DLGAP2: variants seen among roughly 807,000 people sequenced by gnomAD.
DLGAP2 encodes the protein DLG associated protein 2, also known as disks large-associated protein 2.
DLGAP2 carries 26 observed loss-of-function variants against 100.3 expected under a neutral mutation model. The ratio of observed to expected loss-of-function variants is 0.26; its 90% CI spans 0.19 to 0.36. The LOEUF (loss-of-function observed/expected upper bound fraction) is 0.36. DLGAP2 is among the 10% of genes least tolerant of loss of function. DLGAP2 has a pLI of 1.00. For missense variants in DLGAP2, 1,858 were observed against 1,453.2 expected (o/e 1.28, Z -4.53); for synonymous variants, 886 against 630.1 (o/e 1.41, Z -6.08).
intron 3 of DLGAP2, among the ~76,000 whole-genome samples, chr8:1,345,604 C>T (rs1801536281): frequency 6.6e-6 from 1 of 152,198 alleles, no homozygotes; most frequent in Non-Finnish European, 1.5e-5. Context: ...TTGTCATAGT[C>T]CTTCATGTGT....
At chr8:1,362,817 C>T (rs1226038935) in intron 3 of DLGAP2, among the ~76,000 whole-genome samples, 9 of 152,262 alleles carry the variant, frequency 5.9e-5, no homozygotes, top group African/African-American at 1.4e-4. Context: ...ACCGCCTGGG[C>T]TTCTGGGCTT....
rs149313459 is a variant in DLGAP2, at chr8:1,070,511, G to A, written c.73+162545G>A. Among the ~76,000 whole-genome samples the A allele has an allele frequency of 4.1e-4, 62 of 152,336 alleles. 2 individuals are homozygous for A. The highest frequency in any genetic ancestry group is 3.4e-3 in the Middle Eastern group (1 of 294). ...GAAAACACGTGAAAGTCAAATCCGT[G>A]TCCTTAGGCTCTGAAATATCTCACA... On this transcript the variant is annotated intron_variant, in intron 2 of 14. Transcript: ENST00000637795.
At chr8:1,274,730 A>C (rs59934877) in intron 3 of DLGAP2, among the ~76,000 whole-genome samples, 14,073 of 75,270 alleles carry the variant, frequency 0.19, 1,799 homozygotes, top group Admixed American at 0.24. Flanking sequence ...TTTTTGCCGT[A>C]ATTGTGGTCA....
chr8:1,380,028 C>G (rs1428585547), intron 3 of DLGAP2: 1 of 152,268 alleles, frequency 6.6e-6, no homozygotes, highest in African/African-American at 2.4e-5. Context: ...GCATCTGCAC[C>G]CTGGTCAGGA....
At chr8:1,249,922 C>G (rs567704222) in intron 2 of DLGAP2, among the ~76,000 whole-genome samples, 1 of 152,038 alleles carries the variant, frequency 6.6e-6, no homozygotes, top group Non-Finnish European at 1.5e-5. Flanking sequence ...GCTCTGTCAC[C>G]CAGGCTGGAG....
intron 8 of DLGAP2, among the ~76,000 whole-genome samples, chr8:1,636,044 A>G (rs2130785666): frequency 6.6e-6 from 1 of 152,340 alleles, no homozygotes; most frequent in Admixed American, 6.5e-5. Context: ...TCATTATGAA[A>G]AACACTGCAT....
rs531452828 is a variant in DLGAP2 at position 1,303,311 on chromosome 8, C to T, written c.106+44428C>T. On this transcript the variant is annotated intron_variant, in intron 3 of 14. Transcript: ENST00000637795. ...ACTCGGGAGGCTGAGGCAGGAGAAT[C>T]GTTTGAACCCGGGAGGCGGAGCTTG... Among the ~76,000 whole-genome samples, 3 of 150,502 alleles carry T rather than the reference C, an allele frequency of 2.0e-5. No homozygotes were observed. The East Asian group carries it at 6.0e-4, about 30-fold the overall frequency.
intron 2 of DLGAP2, among the ~76,000 whole-genome samples, chr8:994,752 G>T (rs913856028): frequency 6.6e-6 from 1 of 152,170 alleles, no homozygotes; most frequent in Admixed American, 6.5e-5. Flanking sequence ...AATAGTTACA[G>T]GTCAGACCTG....
intron 1 of DLGAP2, among the ~76,000 whole-genome samples, chr8:855,442 A>G (rs1391741383): frequency 6.6e-6 from 1 of 152,146 alleles, no homozygotes; most frequent in Non-Finnish European, 1.5e-5. Context: ...AAGAGGAGTG[A>G]CCAGAGAGGC....
At chr8:771,768 T>G (rs975333932) in intron 1 of DLGAP2, among the ~76,000 whole-genome samples, 6 of 152,242 alleles carry the variant, frequency 3.9e-5, no homozygotes, top group African/African-American at 1.4e-4. Flanking sequence ...TAAAAAGTTA[T>G]GGAAGTAATT....
At chr8:964,170 T>C (rs1799791608) in intron 2 of DLGAP2, among the ~76,000 whole-genome samples, 1 of 152,218 alleles carries the variant, frequency 6.6e-6, no homozygotes, top group Non-Finnish European at 1.5e-5. Context: ...TAAAGCTGTT[T>C]TTAAACCCCA....
intron 1 of DLGAP2, among the ~76,000 whole-genome samples, chr8:806,061 A>G (rs1291537920): frequency 6.6e-6 from 1 of 152,202 alleles, no homozygotes; most frequent in Non-Finnish European, 1.5e-5. Context: ...TTTTGCCAAG[A>G]TTGTTTGGAA....
intron 2 of DLGAP2, among the ~76,000 whole-genome samples, chr8:1,184,284 C>G (rs114880818): frequency 6.6e-6 from 1 of 152,254 alleles, no homozygotes; most frequent in Non-Finnish European, 1.5e-5. Context: ...TATTTCAAGA[C>G]ATGAAACTTG....
intron 1 of DLGAP2, among the ~76,000 whole-genome samples, chr8:817,607 G>A (rs1413871599): frequency 6.6e-6 from 1 of 152,214 alleles, no homozygotes. Context: ...TCAGAGGGAA[G>A]ATCTGGGATT....
In DLGAP2 at chr8:1,267,605, AGAT is replaced by A. The variant is rs1252645313; in HGVS notation, c.106+8723_106+8725del. ...AAATAAAATAAGATAAGATAAGATAAGATAAGATAAGATAAGATAAATATTAAA... is the reference window on the plus strand; with the variant it reads ...AAATAAAATAAGATAAGATAAGATAAAAGATAAGATAAGATAAATATTAAA... On this transcript the variant is annotated intron_variant, in intron 3 of 14. Transcript: ENST00000637795. Among the ~76,000 whole-genome samples, 4 of 99,892 alleles carry A rather than the reference AGAT, an allele frequency of 4.0e-5. 1 individual carries two copies. The highest frequency in any genetic ancestry group is 9.1e-5 in the Admixed American group (1 of 10,946). 65.5% of individuals were successfully genotyped at this position (99,892 alleles called of 152,430 possible).
At chr8:1,478,907 G>C (rs1017045433) in intron 3 of DLGAP2, among the ~76,000 whole-genome samples, 1 of 152,248 alleles carries the variant, frequency 6.6e-6, no homozygotes. Context: ...TGGAGGTTGA[G>C]GGAGATGACG....
rs555606097 is a variant in DLGAP2 at position 1,420,454 on chromosome 8, C to CT, written c.107-80909dup. On this transcript the variant is annotated intron_variant, in intron 3 of 14. Transcript: ENST00000637795. ...GCTGGTGTCCCAGGTCATCTCAGCACTTTGAGTTTTTTCTAATTCCAATTC... is the reference window on the plus strand; with the variant it reads ...GCTGGTGTCCCAGGTCATCTCAGCACTTTTGAGTTTTTTCTAATTCCAATTC... Among the ~76,000 whole-genome samples, 7 of 152,336 alleles carry CT rather than the reference C, an allele frequency of 4.6e-5. No individual in the cohort carries two copies. In the East Asian group the frequency reaches 1.3e-3, roughly 29 times the overall value.
At chr8:1,251,853 C>T (rs1030904970) in intron 2 of DLGAP2, among the ~76,000 whole-genome samples, 9 of 152,224 alleles carry the variant, frequency 5.9e-5, no homozygotes, top group Non-Finnish European at 8.8e-5. Flanking sequence ...TGCATATTCT[C>T]GCATCATGTT....
intron 3 of DLGAP2, among the ~76,000 whole-genome samples, chr8:1,375,009 A>T (rs1802354900): frequency 6.6e-6 from 1 of 152,038 alleles, no homozygotes; most frequent in African/African-American, 2.4e-5. Context: ...CACTGACAGC[A>T]GGTGGTCACT....
Sources: gnomAD v4.1 joint callset for allele counts (sites outside exome capture counted in the v4.1 genomes callset) on GRCh38, gnomAD v4.1.1 for gene constraint, MANE v1.5 for transcripts, NCBI Gene and HGNC (gene_info 2026-07-23, HGNC 2026-07-21) for gene names.